The following SDK1 variants were observed in gnomAD, a reference collection of about 807,000 sequenced individuals.
The protein encoded by SDK1 is protein sidekick-1.
Under a neutral mutation model 245.5 loss-of-function variants are expected in SDK1, and 157 were observed. The ratio of observed to expected loss-of-function variants is 0.64; its 90% CI spans 0.56 to 0.73. The LOEUF is 0.73. Among genes scored for constraint, SDK1 ranks in the 30% least tolerant of loss-of-function variants. SDK1 has a pLI of 0.00. For synonymous variants in SDK1, 1,647 were observed against 1,278.5 expected (o/e 1.29, Z -6.15); for missense variants, 3,583 against 3,002.3 (o/e 1.19, Z -4.52).
At chr7:3,616,583 G>C (rs1210243973) in intron 1 of SDK1, among the ~76,000 whole-genome samples, 1 of 152,020 alleles carries the variant, frequency 6.6e-6, no homozygotes, top group Admixed American at 6.5e-5. Context: ...ATCTCCTACT[G>C]TAAGTTCTTG....
At chr7:3,666,363 G>A (rs371177198) in intron 4 of SDK1, among the ~76,000 whole-genome samples, 31 of 152,114 alleles carry the variant, frequency 2.0e-4, no homozygotes, top group Non-Finnish European at 3.2e-4. Context: ...TGCACATGCC[G>A]TCCCCCTGCC....
At chr7:3,504,549 C>T (rs182043818) in intron 1 of SDK1, among the ~76,000 whole-genome samples, 22 of 152,144 alleles carry the variant, frequency 1.4e-4, no homozygotes, top group South Asian at 2.1e-4. Flanking sequence ...GCTATTAAGA[C>T]GGTTAAACTG....
At chr7:3,652,314 A>C (rs982523619) in intron 4 of SDK1, among the ~76,000 whole-genome samples, 4 of 152,190 alleles carry the variant, frequency 2.6e-5, no homozygotes, top group African/African-American at 9.6e-5. Context: ...GTGAAGAGCC[A>C]GGAGAGAGTG....
intron 5 of SDK1, among the ~76,000 whole-genome samples, chr7:3,910,988 C>T (rs1779142919): frequency 6.6e-6 from 1 of 152,186 alleles, no homozygotes; most frequent in African/African-American, 2.4e-5. Flanking sequence ...GCCTGCTCTT[C>T]TGGGCATTCC....
At chr7:4,184,144 T>A (rs1397133207) in intron 35 of SDK1, among the ~76,000 whole-genome samples, 1 of 152,218 alleles carries the variant, frequency 6.6e-6, no homozygotes, top group African/African-American at 2.4e-5. Flanking sequence ...TTAGAGCAAG[T>A]AGGCCTTCAG....
chr7:3,744,759 C>T (rs1035681528), intron 4 of SDK1, among the ~76,000 whole-genome samples: 7 of 151,442 alleles, frequency 4.6e-5, no homozygotes, highest in East Asian at 3.9e-4. Flanking sequence ...TTGCAGTGAG[C>T]GGAGATCACA....
Position 4,011,843 on chromosome 7 carries a change from G to A in SDK1, c.2280-252G>A, listed in dbSNP as rs73298933. On this transcript the variant is annotated intron_variant, in intron 15 of 44. Coordinates refer to ENST00000404826, the MANE Select transcript of SDK1 (RefSeq NM_152744.4). ...AGTCTTTCTAAAGGGCTGAGGTGCT[G>A]GGGTTATTCACACAGAACAAAGTCA... 8.1e-3 allele frequency among the ~76,000 whole-genome samples: 1,237 copies of A among 152,288 alleles called. 16 individuals carry two copies. The highest frequency in any genetic ancestry group is 0.028 in the African/African-American group (1,173 of 41,548).
At chr7:3,713,023 G>T (rs1284363288) in intron 4 of SDK1, among the ~76,000 whole-genome samples, 1 of 152,212 alleles carries the variant, frequency 6.6e-6, no homozygotes, top group African/African-American at 2.4e-5. Flanking sequence ...AAGGGGATGG[G>T]CACCAAGGCG....
At chr7:3,546,019 G>T (rs1779214672) in intron 1 of SDK1, among the ~76,000 whole-genome samples, 1 of 152,146 alleles carries the variant, frequency 6.6e-6, no homozygotes. Context: ...TTATTATTAT[G>T]AAATTGCTGA....
chr7:3,507,084 G>C (rs1055564165), intron 1 of SDK1, among the ~76,000 whole-genome samples: 1 of 152,128 alleles, frequency 6.6e-6, no homozygotes, highest in Non-Finnish European at 1.5e-5. Flanking sequence ...CATATGGTTT[G>C]TTTAGCCCTA....
chr7:3,445,757 C>G (rs1243009124), intron 1 of SDK1, among the ~76,000 whole-genome samples: 1 of 152,076 alleles, frequency 6.6e-6, no homozygotes, highest in Non-Finnish European at 1.5e-5. Context: ...TCACATTAGA[C>G]AATATTATTT....
rs1204855088 is a variant in SDK1, at chr7:4,265,397, G to A, written c.*13G>A. On this transcript the variant is annotated 3_prime_UTR_variant, in exon 45 of 45. Coordinates refer to ENST00000404826, the MANE Select transcript of SDK1 (RefSeq NM_152744.4). The stretch of plus-strand genomic sequence containing the variant: ...CTCCTTCGTGTGAGCAAAGCGCCGC[G>A]CCTCCCTCAGGGCGGAACGGAGGCA... The A allele has an allele frequency of 6.3e-6, 9 of 1,423,644 alleles. No individual in the cohort carries two copies. In the African/African-American group the frequency reaches 1.2e-4, roughly 19 times the overall value. 88.2% of individuals were successfully genotyped at this position (1,423,644 alleles called of 1,614,324 possible). A position where few individuals can be genotyped will look rare whatever the true frequency, so the allele number is the denominator to read the frequency against.
chr7:4,140,791 T>C (rs1405683390), intron 28 of SDK1, among the ~76,000 whole-genome samples: 1 of 152,174 alleles, frequency 6.6e-6, no homozygotes, highest in East Asian at 1.9e-4. Context: ...TAATAAGCTG[T>C]GTCTCCATTT....
At chr7:3,442,329 C>G (rs1780219055) in intron 1 of SDK1, among the ~76,000 whole-genome samples, 1 of 152,154 alleles carries the variant, frequency 6.6e-6, no homozygotes, top group Non-Finnish European at 1.5e-5. Flanking sequence ...GTGTATGTGT[C>G]AGGTAGCTGG....
chr7:4,033,564 T>A (rs891585746), intron 17 of SDK1, among the ~76,000 whole-genome samples: 1 of 152,120 alleles, frequency 6.6e-6, no homozygotes, highest in African/African-American at 2.4e-5. Flanking sequence ...ATCTTTGCAG[T>A]TTATATCCCA....
At chr7:3,637,009 C>T (rs1417144056) in intron 2 of SDK1, among the ~76,000 whole-genome samples, 1 of 151,612 alleles carries the variant, frequency 6.6e-6, no homozygotes, top group Non-Finnish European at 1.5e-5. Flanking sequence ...GTATCTTTGC[C>T]TTATTAAAAT....
At chr7:4,260,472 G>T in intron 44 of SDK1, among the ~76,000 whole-genome samples, 1 of 140,500 alleles carries the variant, frequency 7.1e-6, no homozygotes, top group Non-Finnish European at 1.5e-5. Flanking sequence ...CTCTGTGTGT[G>T]TGGGAAGATG....
At chr7:3,609,222 A>T (rs953499009) in intron 1 of SDK1, among the ~76,000 whole-genome samples, 3 of 152,198 alleles carry the variant, frequency 2.0e-5, no homozygotes, top group Admixed American at 1.3e-4. Context: ...ATAAACAAGA[A>T]TTTAGGTGTC....
At chr7:3,581,511 G>T (rs575842192) in intron 1 of SDK1, among the ~76,000 whole-genome samples, 7 of 152,314 alleles carry the variant, frequency 4.6e-5, no homozygotes, top group African/African-American at 1.7e-4. Context: ...TGTGGGCCAG[G>T]TTGTGGGGAA....
Sources: allele counts gnomAD v4.1 joint callset (sites outside exome capture counted in the v4.1 genomes callset), GRCh38; gene constraint gnomAD v4.1.1; transcripts MANE v1.5; gene names NCBI Gene and HGNC (gene_info 2026-07-23, HGNC 2026-07-21).